AKAP6: variants seen among roughly 807,000 people sequenced by gnomAD.
AKAP6 encodes the protein A-kinase anchor protein 6.
A neutral mutation model predicts 188.5 loss-of-function variants in AKAP6; 58 were observed. The ratio of observed to expected loss-of-function variants is 0.31; its 90% CI spans 0.25 to 0.38. The LOEUF (loss-of-function observed/expected upper bound fraction) is 0.38. Ranked by LOEUF, AKAP6 falls within the 10% of genes least tolerant of loss-of-function variation. The pLI is 1.00. For missense variants in AKAP6, 2,710 were observed against 2,740.0 expected, an observed-to-expected ratio of 0.99 and a Z score of 0.24; for synonymous variants, 989 against 998.6, an observed-to-expected ratio of 0.99 and a Z score of 0.18.
intron 1 of AKAP6, among the ~76,000 whole-genome samples, chr14:32,403,923 A>G (rs561225711): frequency 3.3e-5 from 5 of 152,232 alleles, no homozygotes; most frequent in African/African-American, 9.6e-5. Context: ...ATTATTTTGC[A>G]GAAATTATGT....
At chr14:32,457,647 G>A (rs954291649) in intron 2 of AKAP6, among the ~76,000 whole-genome samples, 41 of 152,122 alleles carry the variant, frequency 2.7e-4, no homozygotes, top group African/African-American at 9.7e-4. Flanking sequence ...TGTGCTGCTG[G>A]CGCTGACATC....
chr14:32,500,830 CT>C (rs1308643927), intron 2 of AKAP6, among the ~76,000 whole-genome samples: 1 of 152,076 alleles, frequency 6.6e-6, no homozygotes, highest in Non-Finnish European at 1.5e-5. Flanking sequence ...CATAAGATAC[CT>C]TCCCCCATTC....
intron 2 of AKAP6, among the ~76,000 whole-genome samples, chr14:32,466,848 TTC>T (rs1555331129): frequency 4.8e-5 from 7 of 144,682 alleles, no homozygotes; most frequent in East Asian, 2.0e-4. Context: ...TATATATATT[TTC>T]TTTCTTAGCA....
At chr14:32,536,653 A>T (rs1413059378) in intron 3 of AKAP6, among the ~76,000 whole-genome samples, 1 of 152,220 alleles carries the variant, frequency 6.6e-6, no homozygotes, top group Non-Finnish European at 1.5e-5. Flanking sequence ...TATACAAAAT[A>T]TATTTGATTT....
chr14:32,819,138 G>T (rs1166241619), intron 12 of AKAP6, among the ~76,000 whole-genome samples: 1 of 151,972 alleles, frequency 6.6e-6, no homozygotes, highest in Non-Finnish European at 1.5e-5. Flanking sequence ...ATGATTGCTG[G>T]GTACTAGATT....
At chr14:32,521,055 T>C (rs1288777217) in intron 2 of AKAP6, among the ~76,000 whole-genome samples, 1 of 152,130 alleles carries the variant, frequency 6.6e-6, no homozygotes, top group Non-Finnish European at 1.5e-5. Flanking sequence ...TCAATAAACA[T>C]AATCCATCAT....
intron 2 of AKAP6, among the ~76,000 whole-genome samples, chr14:32,486,633 A>C (rs1038773916): frequency 6.6e-6 from 1 of 151,924 alleles, no homozygotes; most frequent in Non-Finnish European, 1.5e-5. Flanking sequence ...TTGTTGTTGT[A>C]TAGGAATGCT....
intron 2 of AKAP6, among the ~76,000 whole-genome samples, chr14:32,437,490 C>G (rs1890419830): frequency 6.6e-6 from 1 of 152,276 alleles, no homozygotes; most frequent in East Asian, 1.9e-4. Context: ...TAGGCTCTGT[C>G]TCAGCTCTTT....
At chr14:32,766,378 G>C (rs1000986363) in intron 11 of AKAP6, among the ~76,000 whole-genome samples, 24 of 152,188 alleles carry the variant, frequency 1.6e-4, no homozygotes, top group African/African-American at 5.8e-4. Flanking sequence ...ATATTCAAAA[G>C]GAAATCGCTG....
chr14:32,483,633 T>C (rs143795937), intron 2 of AKAP6, among the ~76,000 whole-genome samples: 1,624 of 152,166 alleles, frequency 0.011, 30 homozygotes, highest in African/African-American at 0.038. Context: ...TACAGGCATA[T>C]GCCACCACTC....
intron 2 of AKAP6, among the ~76,000 whole-genome samples, chr14:32,443,042 GT>G (rs34507452): frequency 0.74 from 112,631 of 152,084 alleles, 43,025 homozygotes; most frequent in African/African-American, 0.93. Flanking sequence ...TATGGCATGT[GT>G]TAGAGACCAT....
In AKAP6 at chr14:32,525,688, A is replaced by G. The variant is rs186842870; in HGVS notation, c.325-9866A>G. Among the ~76,000 whole-genome samples, 168 of 152,264 alleles carry G rather than the reference A, an allele frequency of 1.1e-3. 1 individual carries two copies. The highest frequency in any genetic ancestry group is 2.4e-4 in the Non-Finnish European group (16 of 68,004). On this transcript the variant is annotated intron_variant, in intron 2 of 13. Coordinates refer to ENST00000280979, the MANE Select transcript of AKAP6 (RefSeq NM_004274.5). ...ACTTCAGAAAGAAATTTAAGCTACTATTTGCTTTTTAGGGGTTTACCTCTA... is the reference window on the plus strand; with the variant it reads ...ACTTCAGAAAGAAATTTAAGCTACTGTTTGCTTTTTAGGGGTTTACCTCTA...
At chr14:32,523,706 G>A (rs1202065487) in intron 2 of AKAP6, among the ~76,000 whole-genome samples, 2 of 149,554 alleles carry the variant, frequency 1.3e-5, no homozygotes, top group Non-Finnish European at 3.0e-5. Flanking sequence ...TGAGCCAAGC[G>A]ATCTGCCGGC....
In AKAP6 at chr14:32,500,731, G is replaced by T. The variant is rs188736160; in HGVS notation, c.325-34823G>T. Among the ~76,000 whole-genome samples, 1,284 of 152,210 alleles carry T rather than the reference G, an allele frequency of 8.4e-3. 8 individuals carry two copies. The highest frequency in any genetic ancestry group is 0.013 in the Non-Finnish European group (873 of 68,004). ...GGCTGTGTATTCTTGACTGATCTTT[G>T]TGTCTCCCAACCTTTTCTCTTTTTC... is the stretch of plus-strand genomic sequence containing the variant. On this transcript the variant is annotated intron_variant, in intron 2 of 13. Coordinates refer to ENST00000280979, the MANE Select transcript of AKAP6 (RefSeq NM_004274.5).
At chr14:32,407,630 G>A (rs568766375) in intron 1 of AKAP6, among the ~76,000 whole-genome samples, 8 of 152,258 alleles carry the variant, frequency 5.3e-5, no homozygotes, top group Non-Finnish European at 8.8e-5. Flanking sequence ...CCTTTGTTCC[G>A]CTTCCTGATC....
At chr14:32,590,860 A>G (rs920853111) in intron 5 of AKAP6, among the ~76,000 whole-genome samples, 1 of 152,194 alleles carries the variant, frequency 6.6e-6, no homozygotes, top group East Asian at 1.9e-4. Flanking sequence ...ACTAGACAGG[A>G]TGTTAATAAC....
At chr14:32,802,829 G>A (rs1344394744) in intron 12 of AKAP6, among the ~76,000 whole-genome samples, 1 of 152,188 alleles carries the variant, frequency 6.6e-6, no homozygotes, top group Admixed American at 6.5e-5. Context: ...TGGGCACAGT[G>A]GCTCACACCT....
intron 2 of AKAP6, among the ~76,000 whole-genome samples, chr14:32,461,021 C>A (rs1228041742): frequency 1.3e-5 from 2 of 152,204 alleles, no homozygotes; most frequent in Non-Finnish European, 2.9e-5. Flanking sequence ...CTCTAAATTC[C>A]TCCTCACTGG....
intron 2 of AKAP6, among the ~76,000 whole-genome samples, chr14:32,525,594 G>C (rs1310407754): frequency 6.6e-6 from 1 of 152,166 alleles, no homozygotes; most frequent in Non-Finnish European, 1.5e-5. Context: ...CCTAATCAAA[G>C]CAGGAGGTGA....
Sources: allele counts gnomAD v4.1 joint callset (sites outside exome capture counted in the v4.1 genomes callset), GRCh38; gene constraint gnomAD v4.1.1; transcripts MANE v1.5; gene names NCBI Gene and HGNC (gene_info 2026-07-23, HGNC 2026-07-21).